Variants in ZNF567 observed in about 807,000 individuals in gnomAD.
The protein encoded by ZNF567 is zinc finger protein 567.
In ZNF567, 36 loss-of-function variants were observed where a neutral mutation model predicts 53.9. That is an observed-to-expected ratio of 0.67 (90% CI 0.51 to 0.88). The LOEUF (loss-of-function observed/expected upper bound fraction) is 0.88, where lower values mean the gene tolerates loss of function less well. ZNF567 is among the 40% of genes least tolerant of loss of function. ZNF567 has a pLI of 0.00. For missense variants in ZNF567, 619 were observed against 764.7 expected, an observed-to-expected ratio of 0.81 and a Z score of 2.25; for synonymous variants, 224 against 260.4, an observed-to-expected ratio of 0.86 and a Z score of 1.35.
upstream of ZNF567, among the ~76,000 whole-genome samples, chr19:36,684,263 A>T (rs1410234329): frequency 6.6e-6 from 1 of 152,226 alleles, no homozygotes; most frequent in East Asian, 1.9e-4. Flanking sequence ...ATATCCATGC[A>T]CTTATTCACA....
chr19:36,669,911 T>G, the ZNF567 span, among the ~76,000 whole-genome samples: 2 of 152,222 alleles, frequency 1.3e-5, no homozygotes, highest in Non-Finnish European at 2.9e-5. Context: ...CAATTAACTC[T>G]TTAGTAGATT....
At position 36,719,992 on chromosome 19, in the gene ZNF567, G is replaced by A. The variant is rs1247505362; in HGVS notation, c.1268G>A (p.Cys423Tyr). The change falls in exon 6 of 6, where the codon TGT becomes TAT. Residue 423 changes from cysteine to tyrosine, a missense_variant. Cys to Tyr is a radical substitution (Grantham distance 194). Transcript: ENST00000682579. ...RTHTGEKPYI[C>Y]NECGKSFSQK... The stretch of plus-strand genomic sequence containing the variant: ...CATACAGGGGAAAAGCCCTATATTT[G>A]TAATGAATGTGGGAAATCCTTCTCC... 2 of 1,613,892 alleles carry A rather than the reference G, an allele frequency of 1.2e-6. No individual in the cohort carries two copies. The highest frequency in any genetic ancestry group is 2.2e-5 in the East Asian group (1 of 44,874).
At chr19:36,682,876 G>T (rs1337424094), upstream of ZNF567, among the ~76,000 whole-genome samples, 4 of 151,800 alleles carry the variant, frequency 2.6e-5, no homozygotes, top group African/African-American at 9.7e-5. Context: ...CAAAGTGCTG[G>T]GATTACAGGC....
At chr19:36,715,072 A>C (rs1239496795) in intron 5 of ZNF567, among the ~76,000 whole-genome samples, 2 of 152,224 alleles carry the variant, frequency 1.3e-5, no homozygotes, top group East Asian at 3.9e-4. Context: ...GGCGTACTAC[A>C]GTCTATCATC....
At chr19:36,680,178 T>C in the ZNF567 span, among the ~76,000 whole-genome samples, 10 of 152,248 alleles carry the variant, frequency 6.6e-5, no homozygotes, top group South Asian at 1.9e-3. Flanking sequence ...TATATACAAT[T>C]ATTACTTGTC....
chr19:36,696,380 CCT>C (rs1466240965), intron 3 of ZNF567, among the ~76,000 whole-genome samples: 2 of 152,136 alleles, frequency 1.3e-5, no homozygotes, highest in Admixed American at 6.6e-5. Flanking sequence ...TGATTCTAAA[CCT>C]CTGTCTTTTT....
At chr19:36,692,919 G>A (rs749583411) in intron 2 of ZNF567, among the ~76,000 whole-genome samples, 22 of 152,192 alleles carry the variant, frequency 1.4e-4, no homozygotes, top group Non-Finnish European at 2.2e-4. Flanking sequence ...GGGCCCTTTT[G>A]GACAAAGCCA....
the ZNF567 span, among the ~76,000 whole-genome samples, chr19:36,678,221 A>T: frequency 7.2e-5 from 11 of 152,310 alleles, no homozygotes; most frequent in Middle Eastern, 3.4e-3. Context: ...CTTTTCCCTC[A>T]GTGGCCAGTG....
At chr19:36,696,499 C>A (rs2038896550) in intron 3 of ZNF567, among the ~76,000 whole-genome samples, 1 of 152,206 alleles carries the variant, frequency 6.6e-6, no homozygotes. Flanking sequence ...TTGTCTCCTT[C>A]TGCCCATCCT....
Position 36,720,002 on chromosome 19 carries a change from T to C in ZNF567, c.1278T>C (p.Cys426=). 2 of 1,614,062 alleles carry C rather than the reference T, an allele frequency of 1.2e-6. No homozygotes were observed. The highest frequency in any genetic ancestry group is 1.7e-6 in the Non-Finnish European group (2 of 1,180,016). ...AAAAGCCCTATATTTGTAATGAATG[T>C]GGGAAATCCTTCTCCCAGAAGACAA... The part of the protein sequence containing the change: ...TGEKPYICNE[C]GKSFSQKTTL... Residue 426 remains cysteine, a synonymous_variant, in exon 6 of 6, where the codon TGT becomes TGC. Coordinates refer to ENST00000682579, the MANE Select transcript of ZNF567 (RefSeq NM_001322917.1).
At chr19:36,677,872 G>A in the ZNF567 span, among the ~76,000 whole-genome samples, 4 of 152,104 alleles carry the variant, frequency 2.6e-5, no homozygotes, top group Non-Finnish European at 5.9e-5. Context: ...GAGAGCCTTG[G>A]AAGAACTGAT....
Position 36,719,148 on chromosome 19 carries a change from A to G in ZNF567, c.424A>G (p.Lys142Glu). The change falls in exon 6 of 6, where the codon AAA becomes GAA. Residue 142 changes from lysine (K) to glutamate (E), a missense_variant. Transcript: ENST00000682579. ...PEYDTHGRIL[K>E]NVSELIISNL... ...ATATGATACTCATGGAAGGATTTTGAAAAATGTTTCAGAATTAATCATCAG... is the reference window on the plus strand; with the variant it reads ...ATATGATACTCATGGAAGGATTTTGGAAAATGTTTCAGAATTAATCATCAG... The G allele has an allele frequency of 6.2e-7, 1 of 1,611,604 alleles. No homozygotes were observed. Among genetic ancestry groups the G allele is most frequent in the Middle Eastern group, 1.7e-4 (1 of 6,044 alleles).
chr19:36,707,798 C>T (rs924915416), intron 3 of ZNF567, among the ~76,000 whole-genome samples: 8 of 152,120 alleles, frequency 5.3e-5, no homozygotes, highest in African/African-American at 1.4e-4. Flanking sequence ...AGGCTGGTTT[C>T]GAACTCCTGA....
At chr19:36,688,016 GTT>G (rs1318620470) in intron 1 of ZNF567, among the ~76,000 whole-genome samples, 2 of 152,126 alleles carry the variant, frequency 1.3e-5, no homozygotes, top group Non-Finnish European at 2.9e-5. Context: ...AGGGGAATGT[GTT>G]ATTCTGTGTG....
downstream of ZNF567, chr19:36,727,381 A>AT: frequency 7.8e-6 from 1 of 127,840 alleles, no homozygotes; most frequent in Non-Finnish European, 1.7e-5. Context: ...CAAGTAGAGC[A>AT]ATTTTTTTTT....
At chr19:36,689,837 C>T (rs2038503104) in intron 2 of ZNF567, among the ~76,000 whole-genome samples, 1 of 152,118 alleles carries the variant, frequency 6.6e-6, no homozygotes, top group Admixed American at 6.5e-5. Context: ...CTGAGGGACC[C>T]CTTGTGTGTT....
At chr19:36,674,765 T>C in the ZNF567 span, among the ~76,000 whole-genome samples, 2 of 152,158 alleles carry the variant, frequency 1.3e-5, no homozygotes, top group Admixed American at 6.5e-5. Context: ...TAAAGCTTTT[T>C]TTTTTGGAGA....
chr19:36,668,150 GC>G, the ZNF567 span: 1 of 152,370 alleles, frequency 6.6e-6, no homozygotes, highest in African/African-American at 2.4e-5. Context: ...TCGCTATGTT[GC>G]CCAGGCTGGT....
At chr19:36,697,188 T>G (rs1325040518) in intron 3 of ZNF567, among the ~76,000 whole-genome samples, 2 of 152,222 alleles carry the variant, frequency 1.3e-5, no homozygotes, top group Non-Finnish European at 2.9e-5. Flanking sequence ...GTAATGTTCC[T>G]TTCAGTGTAC....
Sources: gnomAD v4.1 joint callset for allele counts (sites outside exome capture counted in the v4.1 genomes callset) on GRCh38, gnomAD v4.1.1 for gene constraint, MANE v1.5 for transcripts, NCBI Gene and HGNC (gene_info 2026-07-23, HGNC 2026-07-21) for gene names.